The following MOXD1 variants were observed in gnomAD, a reference collection of about 807,000 sequenced individuals.
MOXD1 encodes the protein DBH-like monooxygenase protein 1.
A neutral mutation model predicts 66.6 loss-of-function variants in MOXD1; 62 were observed. That is an observed-to-expected ratio of 0.93 (90% CI 0.76 to 1.15). MOXD1 has a LOEUF of 1.15. MOXD1 is among the 50% of genes most tolerant of loss of function. MOXD1 has a pLI of 0.00. For synonymous variants in MOXD1, 303 were observed against 281.9 expected (o/e 1.07, Z -0.75); for missense variants, 847 against 754.6 (o/e 1.12, Z -1.44).
chr6:132,384,068 C>A (rs1008254379), intron 1 of MOXD1, among the ~76,000 whole-genome samples: 2 of 150,310 alleles, frequency 1.3e-5, no homozygotes, highest in Admixed American at 6.6e-5. Flanking sequence ...GATTCTGTCT[C>A]AAAAAAAAAT....
At chr6:132,385,989 G>T (rs1424259941) in intron 1 of MOXD1, among the ~76,000 whole-genome samples, 2 of 150,942 alleles carry the variant, frequency 1.3e-5, no homozygotes, top group African/African-American at 4.9e-5. Flanking sequence ...TGTAGTCCCA[G>T]CTACTCGGGA....
At chr6:132,377,689 CA>C (rs1485014087) in intron 1 of MOXD1, among the ~76,000 whole-genome samples, 2 of 152,150 alleles carry the variant, frequency 1.3e-5, no homozygotes, top group African/African-American at 4.8e-5. Context: ...CCAATTATTT[CA>C]AAGTTCTGAA....
At chr6:132,334,707 A>G (rs1399984087) in intron 4 of MOXD1, among the ~76,000 whole-genome samples, 1 of 152,182 alleles carries the variant, frequency 6.6e-6, no homozygotes, top group Non-Finnish European at 1.5e-5. Flanking sequence ...CATTATTTTG[A>G]TGAGAGAGGA....
chr6:132,372,709 G>T lies in MOXD1; in HGVS notation c.580-18C>A. The T allele has an allele frequency of 6.2e-7, 1 of 1,611,044 alleles. No homozygotes were observed. The highest frequency in any genetic ancestry group is 8.5e-7 in the Non-Finnish European group (1 of 1,177,380). ...ATGGGGACCTGTCTTAATAAAAAGG[G>T]GAGGAAGACACAAAGTCACCTTCTC... On this transcript the variant is annotated intron_variant, in intron 3 of 11. Coordinates refer to ENST00000367963, the MANE Select transcript of MOXD1 (RefSeq NM_015529.4).
chr6:132,395,764 A>G (rs72994875), intron 1 of MOXD1, among the ~76,000 whole-genome samples: 25,512 of 152,148 alleles, frequency 0.17, 2,556 homozygotes, highest in Middle Eastern at 0.25. Context: ...AGTATAAAAC[A>G]CTAAAAAGTG....
chr6:132,382,678 T>C (rs145680939), intron 1 of MOXD1, among the ~76,000 whole-genome samples: 1 of 152,304 alleles, frequency 6.6e-6, no homozygotes, highest in African/African-American at 2.4e-5. Flanking sequence ...TTTGAACACT[T>C]CGTGCTTTGA....
At chr6:132,380,946 T>C (rs1430098718) in intron 1 of MOXD1, among the ~76,000 whole-genome samples, 3 of 152,016 alleles carry the variant, frequency 2.0e-5, no homozygotes, top group East Asian at 3.9e-4. Flanking sequence ...CCGACATTAG[T>C]ATTCAGAAAA....
At chr6:132,312,001 C>G (rs766721455) in intron 10 of MOXD1, among the ~76,000 whole-genome samples, 1 of 151,944 alleles carries the variant, frequency 6.6e-6, no homozygotes. Context: ...AACACAGGAA[C>G]TATCCATTAC....
At chr6:132,360,014 G>C (rs891551326) in intron 4 of MOXD1, among the ~76,000 whole-genome samples, 3 of 152,208 alleles carry the variant, frequency 2.0e-5, no homozygotes, top group African/African-American at 7.2e-5. Context: ...ATTAGACTAT[G>C]GGTTTAAAGT....
At chr6:132,381,303 T>C (rs1562298360) in intron 1 of MOXD1, among the ~76,000 whole-genome samples, 1 of 152,250 alleles carries the variant, frequency 6.6e-6, no homozygotes, top group Non-Finnish European at 1.5e-5. Flanking sequence ...GACCAAAGTA[T>C]TCCCCAGTAG....
At chr6:132,347,274 T>A (rs1775686817) in intron 4 of MOXD1, among the ~76,000 whole-genome samples, 1 of 152,222 alleles carries the variant, frequency 6.6e-6, no homozygotes, top group Non-Finnish European at 1.5e-5. Context: ...TCTACCTTTC[T>A]TATCTGTACA....
intron 4 of MOXD1, among the ~76,000 whole-genome samples, chr6:132,370,263 G>GA (rs1173296640): frequency 6.6e-6 from 1 of 151,826 alleles, no homozygotes; most frequent in Non-Finnish European, 1.5e-5. Context: ...CTCTCTACTA[G>GA]AAAAAAGAGC....
intron 10 of MOXD1, among the ~76,000 whole-genome samples, chr6:132,309,229 G>C (rs1774766996): frequency 6.6e-6 from 1 of 152,026 alleles, no homozygotes; most frequent in Non-Finnish European, 1.5e-5. Flanking sequence ...ACCAACAATA[G>C]ACAAGCAGAG....
intron 4 of MOXD1, among the ~76,000 whole-genome samples, chr6:132,344,370 C>T (rs1210235577): frequency 2.0e-5 from 3 of 152,140 alleles, no homozygotes; most frequent in Non-Finnish European, 4.4e-5. Flanking sequence ...AAAGTCTTCT[C>T]AGTAAATGAC....
chr6:132,372,573 GA>G (rs1323647876), intron 4 of MOXD1, 34 bp downstream of exon 4: 2 of 1,518,668 alleles, frequency 1.3e-6, no homozygotes, highest in East Asian at 4.5e-5. Flanking sequence ...TTCCACTCAT[GA>G]AAATTAATTT....
intron 10 of MOXD1, among the ~76,000 whole-genome samples, chr6:132,315,418 T>C (rs888518879): frequency 1.3e-5 from 2 of 152,208 alleles, no homozygotes; most frequent in Non-Finnish European, 2.9e-5. Flanking sequence ...TGCTGAGTAC[T>C]GTAGGTACTC....
In MOXD1 at chr6:132,307,783, T is replaced by C. The variant is rs149737900; in HGVS notation, c.1508+7852A>G. ...TCCTGAATGACTCCTGAGTAAATAA[T>C]GAAATTAAGACAGAAATCAAGTTCT... On this transcript the variant is annotated intron_variant, in intron 10 of 11. Transcript: ENST00000367963. Among the ~76,000 whole-genome samples the C allele has an allele frequency of 8.5e-4, 130 of 152,106 alleles. 1 individual carries two copies. The East Asian group carries it at 0.025, about 29-fold the overall frequency.
intron 4 of MOXD1, among the ~76,000 whole-genome samples, chr6:132,330,616 A>G (rs966660936): frequency 6.6e-6 from 1 of 152,170 alleles, no homozygotes; most frequent in Non-Finnish European, 1.5e-5. Context: ...GCGTGTTGCT[A>G]AATATCCAAG....
chr6:132,325,504 C>G (rs917622654), intron 6 of MOXD1, among the ~76,000 whole-genome samples: 1 of 152,162 alleles, frequency 6.6e-6, no homozygotes, highest in Admixed American at 6.5e-5. Context: ...CTGTCTTTAC[C>G]CTTCCACCAT....
Sources: gnomAD v4.1 joint callset for allele counts (sites outside exome capture counted in the v4.1 genomes callset) on GRCh38, gnomAD v4.1.1 for gene constraint, MANE v1.5 for transcripts, NCBI Gene and HGNC (gene_info 2026-07-23, HGNC 2026-07-21) for gene names.